The following GLG1 variants were observed in gnomAD, a reference collection of about 807,000 sequenced individuals.
The protein encoded by GLG1 is Golgi apparatus protein 1.
A neutral mutation model predicts 160.5 loss-of-function variants in GLG1; 38 were observed. That is an observed-to-expected ratio of 0.24 (90% CI 0.18 to 0.31). The LOEUF is 0.31. GLG1 is among the 10% of genes least tolerant of loss of function. The pLI is 1.00. For missense variants in GLG1, 1,373 were observed against 1,505.2 expected, an observed-to-expected ratio of 0.91 and a Z score of 1.45; for synonymous variants, 644 against 543.4, an observed-to-expected ratio of 1.19 and a Z score of -2.57.
chr16:74,550,413 A>C (rs2550824), intron 1 of GLG1, among the ~76,000 whole-genome samples: 101,115 of 150,218 alleles, frequency 0.67, 34,063 homozygotes, highest in East Asian at 0.82. Context: ...ATGAGAGCAG[A>C]GCCTCAGCTT....
At chr16:74,457,697 CATG>C (rs913903240) in intron 24 of GLG1, among the ~76,000 whole-genome samples, 174 bp downstream of exon 24, 1 of 152,220 alleles carries the variant, frequency 6.6e-6, no homozygotes, top group Non-Finnish European at 1.5e-5. Flanking sequence ...TTCCTAAATT[CATG>C]ATGCCATAAA....
At chr16:74,477,845 T>C (rs111294702) in intron 11 of GLG1, among the ~76,000 whole-genome samples, 9 of 152,042 alleles carry the variant, frequency 5.9e-5, no homozygotes, top group African/African-American at 2.2e-4. Context: ...TGGTGGCACA[T>C]GCCTGTAATC....
intron 4 of GLG1, among the ~76,000 whole-genome samples, 182 bp from the exon 5 acceptor site, chr16:74,496,826 A>C (rs1022293174): frequency 4.6e-5 from 7 of 152,090 alleles, no homozygotes; most frequent in African/African-American, 1.7e-4. Context: ...CACATTGTGG[A>C]AGTTAAAGAA....
At chr16:74,534,421 CAATT>C (rs1462613555) in intron 1 of GLG1, among the ~76,000 whole-genome samples, 5 of 152,236 alleles carry the variant, frequency 3.3e-5, no homozygotes, top group African/African-American at 1.2e-4. Flanking sequence ...GGATGGAAGG[CAATT>C]AATATCACAA....
chr16:74,564,080 C>T (rs546530806), intron 1 of GLG1, among the ~76,000 whole-genome samples: 3 of 152,250 alleles, frequency 2.0e-5, no homozygotes, highest in Middle Eastern at 6.8e-3. Context: ...GCCACGAGGC[C>T]CGGCTAATTT....
At chr16:74,481,472 T>G (rs2015596060) in intron 10 of GLG1, among the ~76,000 whole-genome samples, 1 of 152,186 alleles carries the variant, frequency 6.6e-6, no homozygotes, top group African/African-American at 2.4e-5. Flanking sequence ...GCACTTTTTT[T>G]TTTATTATGG....
chr16:74,595,476 G>A (rs967096260), intron 1 of GLG1, among the ~76,000 whole-genome samples: 2 of 152,118 alleles, frequency 1.3e-5, no homozygotes, highest in Non-Finnish European at 2.9e-5. Flanking sequence ...GGCAGAGCTT[G>A]CAGTGAGCCA....
At chr16:74,536,237 T>C (rs1418336859) in intron 1 of GLG1, among the ~76,000 whole-genome samples, 2 of 152,106 alleles carry the variant, frequency 1.3e-5, no homozygotes, top group Non-Finnish European at 2.9e-5. Context: ...CCACAAAACT[T>C]TAAGTGCAGA....
At chr16:74,454,940 C>CA (rs561228148) in intron 25 of GLG1, among the ~76,000 whole-genome samples, 74 of 151,090 alleles carry the variant, frequency 4.9e-4, no homozygotes, top group African/African-American at 1.7e-3. Context: ...CTTGTCTCCA[C>CA]AAAAAATTAT....
At chr16:74,596,437 G>A (rs1160125404) in intron 1 of GLG1, among the ~76,000 whole-genome samples, 1 of 151,822 alleles carries the variant, frequency 6.6e-6, no homozygotes, top group Non-Finnish European at 1.5e-5. Flanking sequence ...GCTGAGGCAG[G>A]AGAATTGCTT....
chr16:74,498,675 G>T (rs2016300437), intron 4 of GLG1, among the ~76,000 whole-genome samples: 1 of 148,820 alleles, frequency 6.7e-6, no homozygotes, highest in African/African-American at 2.5e-5. Context: ...GACCAGCCTG[G>T]CCAACATGGT....
chr16:74,513,297 T>G (rs2016872144), intron 2 of GLG1, among the ~76,000 whole-genome samples: 1 of 152,024 alleles, frequency 6.6e-6, no homozygotes, highest in Non-Finnish European at 1.5e-5. Context: ...ATTACAGGAT[T>G]AGGGTGTGGG....
At chr16:74,581,824 A>G (rs1430940577) in intron 1 of GLG1, among the ~76,000 whole-genome samples, 7 of 152,174 alleles carry the variant, frequency 4.6e-5, no homozygotes, top group Admixed American at 2.0e-4. Flanking sequence ...AGGCAGGACA[A>G]TCGCTTGAAC....
intron 1 of GLG1, among the ~76,000 whole-genome samples, chr16:74,533,334 C>A (rs1222469403): frequency 2.0e-5 from 3 of 151,890 alleles, no homozygotes; most frequent in Non-Finnish European, 4.4e-5. Flanking sequence ...AAACAAAAAA[C>A]AAAACAAAAC....
intron 17 of GLG1, chr16:74,468,600 C>T (rs548670866): frequency 8.6e-6 from 2 of 231,314 alleles, no homozygotes; most frequent in South Asian, 1.5e-4. Context: ...CTCCTGACCT[C>T]AAGCGATCCA....
intron 2 of GLG1, among the ~76,000 whole-genome samples, chr16:74,510,748 T>C (rs962955471): frequency 2.0e-5 from 3 of 152,070 alleles, no homozygotes; most frequent in Non-Finnish European, 2.9e-5. Context: ...TAGGAACTGG[T>C]GGATAAAACA....
In GLG1 at chr16:74,506,602, A is replaced by AC. The variant is rs1487018634; in HGVS notation, c.558+2236_558+2237insG. 1.6e-4 allele frequency among the ~76,000 whole-genome samples: 24 copies of AC among 149,378 alleles called. 1 individual carries two copies. The highest frequency in any genetic ancestry group is 5.7e-4 in the African/African-American group (23 of 40,520). On this transcript the variant is annotated intron_variant, in intron 3 of 25. Transcript: ENST00000422840. ...GTCTCAAAAAAAAAAAAAAAAAAAA[A>AC]AACTCAAGAGAAACCAGGAGCACAT...
intron 4 of GLG1, among the ~76,000 whole-genome samples, chr16:74,497,679 C>T (rs946871279): frequency 2.6e-5 from 4 of 152,070 alleles, no homozygotes; most frequent in Admixed American, 2.0e-4. Context: ...CCTCGTGATC[C>T]GCCCGCCTCG....
intron 22 of GLG1, among the ~76,000 whole-genome samples, chr16:74,460,359 G>T (rs2014740790): frequency 6.6e-6 from 1 of 152,174 alleles, no homozygotes. Flanking sequence ...GTTTCGCCAT[G>T]TTGGCCAGGC....
Sources: allele counts gnomAD v4.1 joint callset (sites outside exome capture counted in the v4.1 genomes callset), GRCh38; gene constraint gnomAD v4.1.1; transcripts MANE v1.5; gene names NCBI Gene and HGNC (gene_info 2026-07-23, HGNC 2026-07-21).